LIMCH1: variants seen among roughly 807,000 people sequenced by gnomAD.
The protein encoded by LIMCH1 is LIM and calponin homology domains 1.
Under a neutral mutation model 176.5 loss-of-function variants are expected in LIMCH1, and 113 were observed. That is an observed-to-expected ratio of 0.64 (90% CI 0.55 to 0.75). The LOEUF (loss-of-function observed/expected upper bound fraction) is 0.75. Among genes scored for constraint, LIMCH1 ranks in the 30% least tolerant of loss-of-function variants. LIMCH1 has a pLI of 0.00. For missense variants in LIMCH1, 1,674 were observed against 1,814.9 expected, an observed-to-expected ratio of 0.92 and a Z score of 1.41; for synonymous variants, 619 against 645.9, an observed-to-expected ratio of 0.96 and a Z score of 0.63.
intron 1 of LIMCH1, among the ~76,000 whole-genome samples, chr4:41,557,748 T>C (rs1369309121): frequency 1.3e-5 from 2 of 152,072 alleles, no homozygotes; most frequent in Non-Finnish European, 2.9e-5. Context: ...CTAAGCCACA[T>C]AGGGTGAAGG....
At chr4:41,410,395 C>A (rs2059372474) in intron 1 of LIMCH1, among the ~76,000 whole-genome samples, 1 of 152,160 alleles carries the variant, frequency 6.6e-6, no homozygotes, top group Non-Finnish European at 1.5e-5. Flanking sequence ...GATTTGCACT[C>A]CTCTCAGTTT....
At chr4:41,547,861 G>GTA (rs746652816) in intron 1 of LIMCH1, among the ~76,000 whole-genome samples, 3,675 of 84,480 alleles carry the variant, frequency 0.044, 91 homozygotes, top group African/African-American at 0.093. Context: ...ATTTGTGTGT[G>GTA]TGTATATATA....
At chr4:41,372,503 A>T (rs2054129316) in intron 1 of LIMCH1, among the ~76,000 whole-genome samples, 1 of 152,232 alleles carries the variant, frequency 6.6e-6, no homozygotes, top group African/African-American at 2.4e-5. Flanking sequence ...GTTTGGGCAG[A>T]TAGTATCTCT....
intron 1 of LIMCH1, among the ~76,000 whole-genome samples, chr4:41,572,559 G>A (rs1348229207): frequency 6.6e-6 from 1 of 152,124 alleles, no homozygotes; most frequent in East Asian, 1.9e-4. Flanking sequence ...AAAAAGCAAG[G>A]CTCTTAGTAG....
intron 1 of LIMCH1, among the ~76,000 whole-genome samples, chr4:41,578,279 A>T (rs141750363): frequency 1.3e-5 from 2 of 152,302 alleles, no homozygotes; most frequent in Admixed American, 6.5e-5. Context: ...CCAGACACTT[A>T]TCAAACAACC....
chr4:41,575,975 G>C (rs1328776457), intron 1 of LIMCH1, among the ~76,000 whole-genome samples: 1 of 152,154 alleles, frequency 6.6e-6, no homozygotes, highest in Admixed American at 6.5e-5. Context: ...TCAGCCATTT[G>C]TTGTCATTTA....
At chr4:41,396,225 C>T (rs1581493152) in intron 1 of LIMCH1, among the ~76,000 whole-genome samples, 1 of 152,144 alleles carries the variant, frequency 6.6e-6, no homozygotes. Flanking sequence ...TGCCCAACCT[C>T]CTTCATTTTC....
upstream of LIMCH1, among the ~76,000 whole-genome samples, chr4:41,537,831 C>T (rs2078122401): frequency 1.3e-5 from 2 of 152,142 alleles, no homozygotes; most frequent in African/African-American, 4.8e-5. Flanking sequence ...CTTTTTGAAA[C>T]ATTGTTATTT....
chr4:41,370,295 A>G (rs369548151), intron 1 of LIMCH1, among the ~76,000 whole-genome samples: 3 of 152,168 alleles, frequency 2.0e-5, no homozygotes, highest in African/African-American at 7.2e-5. Flanking sequence ...AAGATAGAGC[A>G]CTTCCAATGA....
At chr4:41,604,777 A>G (rs2090464971) in intron 3 of LIMCH1, among the ~76,000 whole-genome samples, 1 of 152,140 alleles carries the variant, frequency 6.6e-6, no homozygotes, top group Non-Finnish European at 1.5e-5. Context: ...GTAAGCAATC[A>G]GTTCAAAAGG....
chr4:41,467,844 C>T (rs2066374260), intron 1 of LIMCH1, among the ~76,000 whole-genome samples: 1 of 152,190 alleles, frequency 6.6e-6, no homozygotes, highest in Non-Finnish European at 1.5e-5. Context: ...TGTAGGTACC[C>T]CTGAACTCAG....
intron 3 of LIMCH1, among the ~76,000 whole-genome samples, chr4:41,530,794 TAAAA>T (rs386399906): frequency 3.3e-5 from 1 of 30,054 alleles, no homozygotes; most frequent in Non-Finnish European, 4.8e-5. Flanking sequence ...AAACCCCGCC[TAAAA>T]AAAAAAAAAA....
intron 2 of LIMCH1, among the ~76,000 whole-genome samples, chr4:41,500,899 C>T (rs543602378): frequency 1.4e-4 from 21 of 152,154 alleles, no homozygotes; most frequent in Admixed American, 9.8e-4. Context: ...TTTCAGTTTT[C>T]GATAGAGTGG....
At chr4:41,585,652 C>T (rs1049710015) in intron 1 of LIMCH1, among the ~76,000 whole-genome samples, 2 of 152,308 alleles carry the variant, frequency 1.3e-5, no homozygotes, top group East Asian at 1.9e-4. Flanking sequence ...ACATTCTCAC[C>T]AGCAATGCAC....
At position 41,527,442 on chromosome 4, in the gene LIMCH1, C is replaced by G. The variant is rs574194694; in HGVS notation, c.237+2964C>G. Among the ~76,000 whole-genome samples, 6 of 152,282 alleles carry G rather than the reference C, an allele frequency of 3.9e-5. No homozygotes were observed. The South Asian group carries it at 1.2e-3, about 32-fold the overall frequency. Reference sequence around the variant, plus strand: ...CTGGTGATGCACTAAGAAATCACAGCAGTTCTCAGGAAACAATACGACAAA... The same window carrying G: ...CTGGTGATGCACTAAGAAATCACAGGAGTTCTCAGGAAACAATACGACAAA... On this transcript the variant is annotated intron_variant, in intron 3 of 26. Coordinates refer to the LIMCH1 transcript ENST00000313860.
At chr4:41,598,741 G>C (rs558383293) in intron 1 of LIMCH1, among the ~76,000 whole-genome samples, 179 bp from the exon 2 acceptor site, 1 of 152,162 alleles carries the variant, frequency 6.6e-6, no homozygotes, top group Non-Finnish European at 1.5e-5. Context: ...TGGGTTTGGA[G>C]GTTTGAAGTG....
chr4:41,527,551 G>A (rs915750361), intron 3 of LIMCH1, among the ~76,000 whole-genome samples: 3 of 152,092 alleles, frequency 2.0e-5, no homozygotes, highest in Non-Finnish European at 4.4e-5. Flanking sequence ...CCCCGTCCTC[G>A]GCCGGGCGTG....
At chr4:41,671,821 G>A (rs995581880) in intron 22 of LIMCH1, among the ~76,000 whole-genome samples, 2 of 146,864 alleles carry the variant, frequency 1.4e-5, no homozygotes, top group East Asian at 4.0e-4. Flanking sequence ...AATTAGGCAG[G>A]TGTGGTGGCA....
intron 1 of LIMCH1, among the ~76,000 whole-genome samples, chr4:41,447,220 GC>G (rs560383116): frequency 6.6e-6 from 1 of 152,272 alleles, no homozygotes; most frequent in Non-Finnish European, 1.5e-5. Context: ...GAGTGATAGA[GC>G]GAGACCCTGT....
Sources: allele counts gnomAD v4.1 joint callset (sites outside exome capture counted in the v4.1 genomes callset), GRCh38; gene constraint gnomAD v4.1.1; transcripts MANE v1.5; gene names NCBI Gene and HGNC (gene_info 2026-07-23, HGNC 2026-07-21).